The following DIAPH3 variants were observed in gnomAD, a reference collection of about 807,000 sequenced individuals.
DIAPH3 encodes diaphanous related formin 3, also known as protein diaphanous homolog 3.
Under a neutral mutation model 144.3 loss-of-function variants are expected in DIAPH3, and 117 were observed. The observed-to-expected ratio is 0.81, with a 90% confidence interval of 0.70 to 0.95. DIAPH3 has a LOEUF of 0.95. Among genes scored for constraint, DIAPH3 ranks in the 40% least tolerant of loss-of-function variants. DIAPH3 has a pLI of 0.00. For synonymous variants in DIAPH3, 519 were observed against 488.9 expected (o/e 1.06, Z -0.81); for missense variants, 1,421 against 1,412.7 (o/e 1.01, Z -0.09).
chr13:59,990,206 T>C (rs1732292146), intron 12 of DIAPH3, among the ~76,000 whole-genome samples: 1 of 151,826 alleles, frequency 6.6e-6, no homozygotes, highest in African/African-American at 2.4e-5. Flanking sequence ...GAGAGTAATT[T>C]TGATGCATGT....
At chr13:60,068,995 T>A (rs931123573) in intron 4 of DIAPH3, among the ~76,000 whole-genome samples, 1 of 152,198 alleles carries the variant, frequency 6.6e-6, no homozygotes, top group South Asian at 2.1e-4. Flanking sequence ...CCTTTGGGTA[T>A]ATACTCAGTA....
chr13:59,837,187 T>C (rs971552925), intron 23 of DIAPH3, among the ~76,000 whole-genome samples: 3 of 152,040 alleles, frequency 2.0e-5, no homozygotes, highest in Non-Finnish European at 4.4e-5. Flanking sequence ...TGCTAATCAG[T>C]TCATTAGAGG....
intron 1 of DIAPH3, among the ~76,000 whole-genome samples, chr13:60,134,423 G>T (rs1372526458): frequency 6.6e-6 from 1 of 152,170 alleles, no homozygotes; most frequent in African/African-American, 2.4e-5. Flanking sequence ...TGTAAAGTAT[G>T]TAAGGAACTT....
intron 5 of DIAPH3, among the ~76,000 whole-genome samples, chr13:60,034,103 T>A (rs911732769): frequency 6.6e-6 from 1 of 152,238 alleles, no homozygotes; most frequent in Non-Finnish European, 1.5e-5. Flanking sequence ...TGATTCTTTG[T>A]ATGTAGAGTA....
chr13:59,670,750 T>C (rs1300745276), intron 27 of DIAPH3, among the ~76,000 whole-genome samples: 1 of 151,958 alleles, frequency 6.6e-6, no homozygotes, highest in Admixed American at 6.6e-5. Flanking sequence ...GCCCGGCTAA[T>C]TTTTTTGCAT....
intron 3 of DIAPH3, among the ~76,000 whole-genome samples, chr13:60,105,099 CAAA>C (rs60853102): frequency 7.2e-5 from 3 of 41,826 alleles, no homozygotes; most frequent in East Asian, 6.9e-4. Context: ...GACACGATCT[CAAA>C]AAAAAAAAAA....
chr13:60,076,326 G>A (rs2057379015), intron 4 of DIAPH3, among the ~76,000 whole-genome samples: 1 of 152,064 alleles, frequency 6.6e-6, no homozygotes, highest in African/African-American at 2.4e-5. Context: ...CTCTCTCTCC[G>A]AAGAAACCCC....
At chr13:60,031,548 T>G (rs1011959726) in intron 5 of DIAPH3, among the ~76,000 whole-genome samples, 1 of 152,178 alleles carries the variant, frequency 6.6e-6, no homozygotes, top group Non-Finnish European at 1.5e-5. Context: ...AAGTCTCATC[T>G]GAGACAAGGT....
intron 21 of DIAPH3, among the ~76,000 whole-genome samples, chr13:59,873,677 C>CTTTTTTTTTTTTT (rs57461813): frequency 7.8e-6 from 1 of 128,914 alleles, no homozygotes; most frequent in African/African-American, 2.9e-5. Context: ...ACCACTTTTT[C>CTTTTTTTTTTTTT]TTTTTTTTTT....
At chr13:60,057,460 A>T (rs2056601429) in intron 4 of DIAPH3, among the ~76,000 whole-genome samples, 1 of 151,940 alleles carries the variant, frequency 6.6e-6, no homozygotes, top group Non-Finnish European at 1.5e-5. Flanking sequence ...CATGAAAATG[A>T]CCATACTACC....
At chr13:59,913,412 T>C (rs898360347) in intron 19 of DIAPH3, among the ~76,000 whole-genome samples, 1 of 152,094 alleles carries the variant, frequency 6.6e-6, no homozygotes, top group Non-Finnish European at 1.5e-5. Context: ...CCCACAGTAT[T>C]ATTACTGCCA....
intron 2 of DIAPH3, among the ~76,000 whole-genome samples, chr13:60,119,359 A>T (rs1345072637): frequency 6.6e-6 from 1 of 152,184 alleles, no homozygotes; most frequent in Non-Finnish European, 1.5e-5. Context: ...CTGTAGCTCC[A>T]GCCAACATTT....
At position 59,969,860 on chromosome 13, in the gene DIAPH3, A is replaced by G. The variant is rs2050255572; in HGVS notation, c.2074+84T>C. ...ATAACATGTACAGGATTCATAAAAT[A>G]ATGTTTTCTGAAAATTGATACATAA... On this transcript the variant is annotated intron_variant, in intron 17 of 27. Coordinates refer to ENST00000400324, the MANE Select transcript of DIAPH3 (RefSeq NM_001042517.2). 6 of 853,120 alleles carry G rather than the reference A, an allele frequency of 7.0e-6. No individual in the cohort carries two copies. In the South Asian group the frequency reaches 1.0e-4, roughly 14 times the overall value. 52.8% of individuals were successfully genotyped at this position (853,120 alleles called of 1,614,324 possible). A position where few individuals can be genotyped will look rare whatever the true frequency, so the allele number is the denominator to read the frequency against.
chr13:59,915,220 G>GA (rs915040369), intron 19 of DIAPH3, among the ~76,000 whole-genome samples: 3 of 151,602 alleles, frequency 2.0e-5, no homozygotes, highest in African/African-American at 7.3e-5. Flanking sequence ...AACTGAAAGA[G>GA]AAAAAAAATG....
intron 1 of DIAPH3, among the ~76,000 whole-genome samples, chr13:60,162,555 TAATTAATCTATGCTGTTCCTCATTTTC>T (rs1199925187): frequency 2.6e-5 from 4 of 152,214 alleles, no homozygotes; most frequent in Non-Finnish European, 5.9e-5. Context: ...TAATTTGGCA[TAATTAATCTATGCTGTTCCTCATTTTC>T]AATTAATCTA....
At chr13:59,746,531 G>C (rs974535720) in intron 27 of DIAPH3, among the ~76,000 whole-genome samples, 3 of 151,968 alleles carry the variant, frequency 2.0e-5, no homozygotes, top group Admixed American at 6.6e-5. Context: ...GCACCAGCTG[G>C]GTTTTGAATA....
intron 4 of DIAPH3, among the ~76,000 whole-genome samples, chr13:60,091,484 G>A (rs1461936862): frequency 6.6e-6 from 1 of 151,952 alleles, no homozygotes; most frequent in Non-Finnish European, 1.5e-5. Context: ...CTTTTGTCAA[G>A]ACAGGGTCTT....
chr13:59,720,776 C>A (rs1209189087), intron 27 of DIAPH3, among the ~76,000 whole-genome samples: 1 of 151,782 alleles, frequency 6.6e-6, no homozygotes, highest in East Asian at 1.9e-4. Flanking sequence ...CTTAGCAGAA[C>A]ACAGTTATTG....
rs751818222 is a variant in DIAPH3 at position 60,112,087 on chromosome 13, C to T, written c.313G>A (p.Ala105Thr). 4 of 1,613,980 alleles carry T rather than the reference C, an allele frequency of 2.5e-6. No individual in the cohort carries two copies. Among genetic ancestry groups the T allele is most frequent in the Admixed American group, 3.3e-5 (2 of 60,002 alleles). ...AAGTTCTCCATCATCTCTAAAGGTGCTGCTGAGCAATCACTGCTTGCAAAT... is the reference window on the plus strand; with the variant it reads ...AAGTTCTCCATCATCTCTAAAGGTGTTGCTGAGCAATCACTGCTTGCAAAT... ...TAFASSDCSA[A>T]PLEMMENFPK... The change falls in exon 3 of 28, where the codon GCA becomes ACA. Residue 105 changes from alanine (A) to threonine (T), a missense_variant. Transcript: ENST00000400324.
Sources: allele counts gnomAD v4.1 joint callset (sites outside exome capture counted in the v4.1 genomes callset), GRCh38; gene constraint gnomAD v4.1.1; transcripts MANE v1.5; gene names NCBI Gene and HGNC (gene_info 2026-07-23, HGNC 2026-07-21).